Variants in CPNE8 observed in about 807,000 individuals in gnomAD.
CPNE8 encodes the protein copine-8.
A neutral mutation model predicts 81.5 loss-of-function variants in CPNE8; 45 were observed. That is an observed-to-expected ratio of 0.55 (90% CI 0.44 to 0.71). The LOEUF (loss-of-function observed/expected upper bound fraction) is 0.71. Ranked by LOEUF, CPNE8 falls within the 30% of genes least tolerant of loss-of-function variation. The pLI, the probability that CPNE8 is intolerant of heterozygous loss-of-function variation, is 0.00. For synonymous variants in CPNE8, 252 were observed against 226.3 expected (o/e 1.11, Z -1.02); for missense variants, 594 against 672.1 (o/e 0.88, Z 1.28).
chr12:38,904,925 G>T (rs1944545732), intron 1 of CPNE8, among the ~76,000 whole-genome samples: 1 of 152,194 alleles, frequency 6.6e-6, no homozygotes, highest in Non-Finnish European at 1.5e-5. Context: ...AAAAAGCCCG[G>T]AAGGGTCGGG....
chr12:38,759,124 C>A (rs1474646425), intron 10 of CPNE8, among the ~76,000 whole-genome samples: 1 of 152,126 alleles, frequency 6.6e-6, no homozygotes, highest in East Asian at 1.9e-4. Flanking sequence ...AGAAATAACT[C>A]CAAAAACAGT....
intron 3 of CPNE8, among the ~76,000 whole-genome samples, chr12:38,867,213 T>C (rs958821881): frequency 6.6e-6 from 1 of 152,040 alleles, no homozygotes; most frequent in African/African-American, 2.4e-5. Flanking sequence ...TGCACGAGGT[T>C]TCACCTTTGG....
rs114942023 is a variant in CPNE8, at chr12:38,673,661, C to A, written c.1432+2056G>T. Reference sequence around the variant, plus strand: ...AAACAGAAACCAGGTGTTACAGGAGCCTAATTCCCTGTTCCCATGTTTCCA... The same window carrying A: ...AAACAGAAACCAGGTGTTACAGGAGACTAATTCCCTGTTCCCATGTTTCCA... On this transcript the variant is annotated intron_variant, in intron 18 of 19. Coordinates refer to ENST00000331366, the MANE Select transcript of CPNE8 (RefSeq NM_153634.3). Among the ~76,000 whole-genome samples the A allele has an allele frequency of 5.0e-3, 765 of 152,220 alleles. 8 individuals are homozygous for A. Among genetic ancestry groups the A allele is most frequent in the African/African-American group, 0.018 (738 of 41,528 alleles).
intron 7 of CPNE8, among the ~76,000 whole-genome samples, chr12:38,775,844 A>G (rs921983932): frequency 6.6e-6 from 1 of 152,234 alleles, no homozygotes; most frequent in Non-Finnish European, 1.5e-5. Context: ...AAAATATCTT[A>G]TACAAATGGG....
intron 10 of CPNE8, among the ~76,000 whole-genome samples, chr12:38,748,489 G>A (rs186542948): frequency 5.9e-5 from 9 of 151,542 alleles, no homozygotes; most frequent in South Asian, 2.1e-4. Flanking sequence ...GATAAAAGTC[G>A]TAATAGTATT....
intron 13 of CPNE8, among the ~76,000 whole-genome samples, chr12:38,721,836 C>T (rs1940572696): frequency 2.6e-5 from 4 of 152,192 alleles, no homozygotes; most frequent in Admixed American, 2.6e-4. Context: ...GCTTGTGGTG[C>T]GTCTGGTCCA....
rs1407557720 is a variant in CPNE8, at chr12:38,902,371, A to G, written c.98+3066T>C. ...AAGAAAGAAAGAAAGAAAGAAAGAA[A>G]GAAAGAAAGAAAAGAAAGAAAGAGA... On this transcript the variant is annotated intron_variant, in intron 1 of 19. Coordinates refer to ENST00000331366, the MANE Select transcript of CPNE8 (RefSeq NM_153634.3). 1.1e-4 allele frequency among the ~76,000 whole-genome samples: 9 copies of G among 81,386 alleles called. 1 individual carries two copies. The highest frequency in any genetic ancestry group is 1.8e-4 in the Non-Finnish European group (8 of 43,516). The allele number at this position is 81,386 out of a possible 152,430, so 53.4% of individuals were successfully genotyped here. A position where few individuals can be genotyped will look rare whatever the true frequency, so the allele number is the denominator to read the frequency against.
At chr12:38,784,396 T>G (rs779037163) in intron 6 of CPNE8, among the ~76,000 whole-genome samples, 1 of 152,098 alleles carries the variant, frequency 6.6e-6, no homozygotes, top group Non-Finnish European at 1.5e-5. Flanking sequence ...AGGGCAAATC[T>G]AAAAGCTACT....
chr12:38,889,335 G>A (rs1944278223), intron 1 of CPNE8, among the ~76,000 whole-genome samples: 1 of 152,218 alleles, frequency 6.6e-6, no homozygotes, highest in Admixed American at 6.5e-5. Context: ...CATAGTATGA[G>A]TGATGCTTGA....
intron 5 of CPNE8, among the ~76,000 whole-genome samples, chr12:38,836,465 A>C (rs1943382626): frequency 6.6e-6 from 1 of 152,154 alleles, no homozygotes; most frequent in African/African-American, 2.4e-5. Flanking sequence ...AATTTGACCC[A>C]AGAGTCTTAA....
At chr12:38,904,183 G>A (rs1944529257) in intron 1 of CPNE8, among the ~76,000 whole-genome samples, 1 of 152,186 alleles carries the variant, frequency 6.6e-6, no homozygotes, top group Non-Finnish European at 1.5e-5. Context: ...AGGAAAGGGA[G>A]GATGTGAGGG....
intron 6 of CPNE8, among the ~76,000 whole-genome samples, chr12:38,780,043 TGGTCTTATGTTTA>T (rs1164219561): frequency 1.3e-5 from 2 of 152,090 alleles, no homozygotes; most frequent in African/African-American, 4.8e-5. Flanking sequence ...TCATTGTTTC[TGGTCTTATGTTTA>T]GGTCTTTTAC....
intron 19 of CPNE8, among the ~76,000 whole-genome samples, chr12:38,656,102 T>TAA (rs34646191): frequency 0.12 from 16,751 of 141,824 alleles, 1,116 homozygotes; most frequent in Admixed American, 0.2. Context: ...ATCAAAGAGG[T>TAA]AAAAAAAAAA....
intron 6 of CPNE8, among the ~76,000 whole-genome samples, chr12:38,806,331 A>T (rs868532180): frequency 2.0e-4 from 30 of 149,994 alleles, no homozygotes; most frequent in Non-Finnish European, 1.9e-4. Flanking sequence ...ATCCTTGATG[A>T]ACATTGATGC....
At chr12:38,849,516 A>G (rs745758125) in intron 3 of CPNE8, among the ~76,000 whole-genome samples, 18 of 152,248 alleles carry the variant, frequency 1.2e-4, no homozygotes, top group African/African-American at 4.3e-4. Flanking sequence ...CTTTTATTAA[A>G]GTTCAATGAA....
At chr12:38,860,168 A>G (rs1943808075) in intron 3 of CPNE8, among the ~76,000 whole-genome samples, 1 of 152,056 alleles carries the variant, frequency 6.6e-6, no homozygotes, top group South Asian at 2.1e-4. Flanking sequence ...ATTAACAACC[A>G]ATATATACAA....
intron 6 of CPNE8, among the ~76,000 whole-genome samples, chr12:38,818,700 A>G (rs1279408318): frequency 6.6e-6 from 1 of 152,180 alleles, no homozygotes; most frequent in African/African-American, 2.4e-5. Flanking sequence ...TCTTTTAGGA[A>G]TCCCCACACT....
intron 8 of CPNE8, among the ~76,000 whole-genome samples, chr12:38,767,268 C>T (rs1260308890): frequency 6.6e-6 from 1 of 151,888 alleles, no homozygotes; most frequent in African/African-American, 2.4e-5. Flanking sequence ...AAAAAAAACC[C>T]ACAAGCTCCA....
At chr12:38,780,776 T>A (rs948627499) in intron 6 of CPNE8, among the ~76,000 whole-genome samples, 4 of 152,036 alleles carry the variant, frequency 2.6e-5, no homozygotes, top group Non-Finnish European at 4.4e-5. Flanking sequence ...AAAACAAGCA[T>A]AAACTATAGA....
Sources: gnomAD v4.1 joint callset for allele counts (sites outside exome capture counted in the v4.1 genomes callset) on GRCh38, gnomAD v4.1.1 for gene constraint, MANE v1.5 for transcripts, NCBI Gene and HGNC (gene_info 2026-07-23, HGNC 2026-07-21) for gene names.